Variants in ZNF711 observed in about 807,000 individuals in gnomAD.
ZNF711 encodes ZFX family zinc finger ZNF711.
Under a neutral mutation model 43.5 loss-of-function variants are expected in ZNF711, and 3 were observed. The observed-to-expected ratio is 0.07, with a 90% CI of 0.03 to 0.18. The LOEUF (loss-of-function observed/expected upper bound fraction) is 0.18, where lower values mean the gene tolerates loss of function less well. ZNF711 is among the 10% of genes least tolerant of loss of function. ZNF711 has a pLI of 1.00. For synonymous variants in ZNF711, 209 were observed against 207.7 expected, an observed-to-expected ratio of 1.01 and a Z score of -0.06; for missense variants, 412 against 604.0, an observed-to-expected ratio of 0.68 and a Z score of 3.33.
intron 4 of ZNF711, among the ~76,000 whole-genome samples, chrX:85,254,322 AG>A (rs529304106): frequency 0.058 from 4,647 of 80,570 alleles, 325 homozygotes; most frequent in African/African-American, 0.13. Flanking sequence ...ACAAAAAATT[AG>A]GCCGGGCGCG....
At chrX:85,248,668 A>C (rs1467051886) in intron 4 of ZNF711, among the ~76,000 whole-genome samples, 3 of 110,407 alleles carry the variant, frequency 2.7e-5, no homozygotes, top group Non-Finnish European at 5.7e-5. Context: ...GGATGAGATC[A>C]AAAGAATTGA....
At chrX:85,270,529 A>G in intron 10 of ZNF711, 122 bp from the exon 11 acceptor site, 3 of 621,298 alleles carry the variant, frequency 4.8e-6, no homozygotes, top group Non-Finnish European at 7.7e-6. Context: ...TTTATATTAC[A>G]GGATTTCATT....
chrX:85,255,647 A>G lies in ZNF711; in HGVS notation c.468A>G (p.Thr156=), dbSNP rs756176256. ...QDCVSGVDSP[T]MVSEEVLVTN... is the part of the protein sequence containing the mutation. ...GTGTTTCAGGAGTCGACTCTCCCAC[A>G]ATGGTATCAGAGGAGGTTCTTGTAA... Residue 156 remains threonine (T), a synonymous_variant, in exon 5 of 11, where the codon ACA becomes ACG. Coordinates refer to ENST00000674551, the MANE Select transcript of ZNF711 (RefSeq NM_001330574.2). 2 of 1,211,553 alleles carry G rather than the reference A, an allele frequency of 1.7e-6. No individual in the cohort carries two copies. The highest frequency in any genetic ancestry group is 2.2e-6 in the Non-Finnish European group (2 of 895,504).
chrX:85,259,564 G>T (rs1211134963), intron 5 of ZNF711, among the ~76,000 whole-genome samples: 1 of 110,901 alleles, frequency 9.0e-6, no homozygotes, highest in African/African-American at 3.3e-5. Context: ...TGTCATCTGT[G>T]ATTTCATTTA....
chrX:85,265,033 G>A (rs1161808579), intron 6 of ZNF711, 85 bp from the exon 7 acceptor site: 1 of 860,775 alleles, frequency 1.2e-6, no homozygotes, highest in Non-Finnish European at 1.6e-6. Context: ...TTTTTTCTAA[G>A]AAATATTTCT....
In ZNF711 at chrX:85,271,495, C is replaced by T; in HGVS notation, c.2091C>T (p.His697=). 1 of 1,211,427 alleles carries T rather than the reference C, an allele frequency of 8.3e-7. No individual in the cohort carries two copies. The highest frequency in any genetic ancestry group is 1.8e-5 in the South Asian group (1 of 57,023). Residue 697 remains histidine (H), a synonymous_variant, in exon 11 of 11, where the codon CAC becomes CAT. Transcript: ENST00000674551. Reference sequence around the variant, plus strand: ...GTAGGAAGATTCATCAGTGCAGGCACTGTGACTTTAAAACATCCGATCCAT... The same window carrying T: ...GTAGGAAGATTCATCAGTGCAGGCATTGTGACTTTAAAACATCCGATCCAT... The part of the protein sequence containing the change: ...HKGRKIHQCR[H]CDFKTSDPFI...
intron 2 of ZNF711, among the ~76,000 whole-genome samples, chrX:85,246,455 C>T (rs1228364876): frequency 2.7e-5 from 3 of 112,001 alleles, no homozygotes; most frequent in Non-Finnish European, 5.6e-5. Context: ...ACTCTCCTGC[C>T]TCCTGAATAC....
Position 85,272,643 on chromosome X carries a change from G to T in ZNF711, c.*815G>T, listed in dbSNP as rs1255481740. On this transcript the variant is annotated 3_prime_UTR_variant, in exon 11 of 11. Transcript: ENST00000674551. ...TTCTTAATGATCTAAAGATTAATTT[G>T]AGAGAACACAGTTTTCTTAAATATT... 1.8e-5 allele frequency: 2 copies of T among 111,968 alleles called. No homozygotes were observed. Among genetic ancestry groups the T allele is most frequent in the African/African-American group, 6.5e-5 (2 of 30,845 alleles). 9.2% of individuals were successfully genotyped at this position (111,968 alleles called of 1,213,427 possible). A position where few individuals can be genotyped will look rare whatever the true frequency, so the allele number is the denominator to read the frequency against.
chrX:85,250,755 T>C (rs1271558121), intron 4 of ZNF711, among the ~76,000 whole-genome samples: 2 of 111,850 alleles, frequency 1.8e-5, no homozygotes, highest in African/African-American at 6.5e-5. Flanking sequence ...TGCCTAGGGA[T>C]AATGTTGACT....
chrX:85,249,951 A>T (rs746598553), intron 4 of ZNF711, among the ~76,000 whole-genome samples: 10 of 111,952 alleles, frequency 8.9e-5, no homozygotes, highest in Non-Finnish European at 1.9e-4. Flanking sequence ...GTGGAATCAT[A>T]TATGGTCGTT....
chrX:85,258,035 A>G (rs1930325219), intron 5 of ZNF711, among the ~76,000 whole-genome samples: 1 of 112,861 alleles, frequency 8.9e-6, no homozygotes, highest in Non-Finnish European at 1.9e-5. Flanking sequence ...ACTACTAGGT[A>G]TCTACCCAGA....
At chrX:85,254,344 C>T (rs1479258458) in intron 4 of ZNF711, among the ~76,000 whole-genome samples, 3 of 89,746 alleles carry the variant, frequency 3.3e-5, no homozygotes, top group Admixed American at 1.2e-4. Flanking sequence ...GTGGCTCACG[C>T]CTGTAATCCC....
At chrX:85,256,400 T>A (rs1027354643) in intron 5 of ZNF711, among the ~76,000 whole-genome samples, 7 of 111,799 alleles carry the variant, frequency 6.3e-5, no homozygotes, top group African/African-American at 1.6e-4. Flanking sequence ...AGCGGGAAGA[T>A]AGAAATATTT....
intron 9 of ZNF711, among the ~76,000 whole-genome samples, chrX:85,269,362 CTTTCTTTCTTTCTTT>C (rs1157141803): frequency 2.0e-5 from 2 of 101,319 alleles, no homozygotes; most frequent in Admixed American, 1.1e-4. Flanking sequence ...TTTTCTTTTT[CTTTCTTTCTTTCTTT>C]TTTCTTTTTT....
intron 5 of ZNF711, among the ~76,000 whole-genome samples, chrX:85,257,237 G>A (rs1424451650): frequency 9.0e-6 from 1 of 110,546 alleles, no homozygotes; most frequent in African/African-American, 3.3e-5. Context: ...TTTTATTTTA[G>A]GATTTGTACG....
Position 85,265,189 on chromosome X carries a change from C to A in ZNF711, c.850C>A (p.Arg284=), listed in dbSNP as rs1035842929. 8.3e-7 allele frequency: 1 copy of A among 1,207,598 alleles called. No individual in the cohort carries two copies. Among genetic ancestry groups the A allele is most frequent in the African/African-American group, 1.7e-5 (1 of 57,253 alleles). The change falls in exon 7 of 11, where the codon CGA becomes AGA. Residue 284 remains arginine (R), a synonymous_variant. Coordinates refer to ENST00000674551, the MANE Select transcript of ZNF711 (RefSeq NM_001330574.2). The stretch of plus-strand genomic sequence containing the variant: ...AGTAGCTGGAGTGCTTGACCAGAGC[C>A]GAATGCAGCGGGAGAAGATGGTTTA... ...HSVAGVLDQS[R]MQREKMVYMA...
chrX:85,244,990 A>G (rs1305753894), intron 1 of ZNF711: 3 of 111,947 alleles, frequency 2.7e-5, no homozygotes, highest in Non-Finnish European at 5.6e-5. Context: ...CAGATGGGTA[A>G]TACCTCAGAG....
chrX:85,262,358 A>G (rs1199560944), intron 5 of ZNF711, among the ~76,000 whole-genome samples: 1 of 110,976 alleles, frequency 9.0e-6, no homozygotes, highest in Non-Finnish European at 1.9e-5. Flanking sequence ...ATTCATGTAT[A>G]ATAAAGTAGA....
rs1430088851 is a variant in ZNF711, at chrX:85,244,142, GGCGGCA to G, written c.-449_-444del. On this transcript the variant is annotated 5_prime_UTR_variant, in exon 1 of 11. Coordinates refer to ENST00000674551, the MANE Select transcript of ZNF711 (RefSeq NM_001330574.2). ...GCACGGAGGCGGCGGCGGCGGCGGCGGCGGCAGCGGCGGCGGCAGCGGCGGCGGCAG... is the reference window on the plus strand; with the variant it reads ...GCACGGAGGCGGCGGCGGCGGCGGCGGCGGCGGCGGCAGCGGCGGCGGCAG... 10 of 135,834 alleles carry G rather than the reference GGCGGCA, an allele frequency of 7.4e-5. No individual in the cohort carries two copies. The highest frequency in any genetic ancestry group is 3.2e-4 in the African/African-American group (9 of 27,803). The allele number at this position is 135,834 out of a possible 1,213,427, so 11.2% of individuals were successfully genotyped here.
Sources: gnomAD v4.1 joint callset for allele counts (sites outside exome capture counted in the v4.1 genomes callset) on GRCh38, gnomAD v4.1.1 for gene constraint, MANE v1.5 for transcripts, NCBI Gene and HGNC (gene_info 2026-07-23, HGNC 2026-07-21) for gene names.